The following FAM47B variants were observed in gnomAD, a reference collection of about 807,000 sequenced individuals.
The protein encoded by FAM47B is family with sequence similarity 47 member B, also known as protein FAM47B.
For synonymous variants in FAM47B, 247 were observed against 215.8 expected, an observed-to-expected ratio of 1.14 and a Z score of -1.27; for missense variants, 581 against 550.1, an observed-to-expected ratio of 1.06 and a Z score of -0.56.
Position 34,944,217 on chromosome X carries a change from A to T in FAM47B, c.1386A>T (p.Lys462Asn). ...DSLQRRHTSR[K>N]LRDFKWAGDL... The stretch of plus-strand genomic sequence containing the variant: ...TTCAACGTAGACACACATCGAGAAA[A>T]CTCCGTGACTTCAAGTGGGCTGGAG... Residue 462 changes from lysine (K) to asparagine (N), a missense_variant, in exon 1 of 1, where the codon AAA becomes AAT. Transcript: ENST00000329357. 3 of 1,211,354 alleles carry T rather than the reference A, an allele frequency of 2.5e-6. No homozygotes were observed. The highest frequency in any genetic ancestry group is 3.4e-6 in the Non-Finnish European group (3 of 895,472).
At position 34,943,586 on chromosome X, in the gene FAM47B, C is replaced by T. The variant is rs1470532802; in HGVS notation, c.755C>T (p.Pro252Leu). The stretch of plus-strand genomic sequence containing the variant: ...GCATCTCATCTCCGCGTGGATCCTC[C>T]CGAGACTGGAGTGTCCCATCTCTGC... ...TRASHLRVDPPETGVSHLCPE... is the reference protein window; with the variant it reads ...TRASHLRVDPLETGVSHLCPE... The change falls in exon 1 of 1, where the codon CCC becomes CTC. Residue 252 changes from proline to leucine, a missense_variant. Physicochemically the swap from Pro to Leu is moderately conservative, Grantham distance 98 (BLOSUM62 -3). Coordinates refer to ENST00000329357, the MANE Select transcript of FAM47B (RefSeq NM_152631.3). 1 of 1,210,664 alleles carries T rather than the reference C, an allele frequency of 8.3e-7. No homozygotes were observed. Among genetic ancestry groups the T allele is most frequent in the Non-Finnish European group, 1.1e-6 (1 of 895,202 alleles).
In FAM47B at chrX:34,944,161, C is replaced by A; in HGVS notation, c.1330C>A (p.Pro444Thr). 1.7e-6 allele frequency: 2 copies of A among 1,211,616 alleles called. No individual in the cohort carries two copies. Among genetic ancestry groups the A allele is most frequent in the East Asian group, 3.0e-5 (1 of 33,821 alleles). The change falls in exon 1 of 1, where the codon CCA becomes ACA. Residue 444 changes from proline to threonine, a missense_variant. Coordinates refer to ENST00000329357, the MANE Select transcript of FAM47B (RefSeq NM_152631.3). ...HLKELFQEDT[P>T]STMECVSDSL... is the part of the protein sequence containing the mutation. Reference sequence around the variant, plus strand: ...AAAAGAACTGTTTCAGGAAGATACACCAAGCACAATGGAGTGTGTTTCTGA... The same window carrying A: ...AAAAGAACTGTTTCAGGAAGATACAACAAGCACAATGGAGTGTGTTTCTGA...
In FAM47B at chrX:34,944,139, A is replaced by T; in HGVS notation, c.1308A>T (p.Lys436Asn). 2 of 1,211,658 alleles carry T rather than the reference A, an allele frequency of 1.7e-6. No homozygotes were observed. The highest frequency in any genetic ancestry group is 2.2e-6 in the Non-Finnish European group (2 of 895,560). Residue 436 changes from lysine to asparagine, a missense_variant, in exon 1 of 1, where the codon AAA becomes AAT. Physicochemically the swap from Lys to Asn is moderately conservative, Grantham distance 94. Coordinates refer to ENST00000329357, the MANE Select transcript of FAM47B (RefSeq NM_152631.3). ...EPTKTGASHL[K>N]ELFQEDTPST... is the part of the protein sequence containing the mutation. ...CCAAGACCGGAGCGTCCCATCTAAAAGAACTGTTTCAGGAAGATACACCAA... is the reference window on the plus strand; with the variant it reads ...CCAAGACCGGAGCGTCCCATCTAAATGAACTGTTTCAGGAAGATACACCAA...
Position 34,944,528 on chromosome X carries a change from C to A in FAM47B, c.1697C>A (p.Pro566His). 1 of 1,211,444 alleles carries A rather than the reference C, an allele frequency of 8.3e-7. No homozygotes were observed. The highest frequency in any genetic ancestry group is 1.8e-5 in the South Asian group (1 of 56,943). The change falls in exon 1 of 1, where the codon CCT becomes CAT. Residue 566 changes from proline to histidine, a missense_variant. Transcript: ENST00000329357. The stretch of plus-strand genomic sequence containing the variant: ...GGGAAAAAGCTAAGAAGTGATGAAC[C>A]TTTGATTGACCCCAAGCCCGTACTT... Reference protein sequence around the residue: ...KLGKKLRSDEPLIDPKPVLEK... With the variant: ...KLGKKLRSDEHLIDPKPVLEK...
At position 34,944,572 on chromosome X, in the gene FAM47B, G is replaced by A; in HGVS notation, c.1741G>A (p.Asp581Asn). 1 of 1,208,832 alleles carries A rather than the reference G, an allele frequency of 8.3e-7. No individual in the cohort carries two copies. Among genetic ancestry groups the A allele is most frequent in the Middle Eastern group, 2.3e-4 (1 of 4,333 alleles). Residue 581 changes from aspartate to asparagine, a missense_variant, in exon 1 of 1, where the codon GAC (aspartate) becomes AAC (asparagine). Coordinates refer to ENST00000329357, the MANE Select transcript of FAM47B (RefSeq NM_152631.3). ...KPVLEKPDEP[D>N]ILDGLYGPIA... is the part of the protein sequence containing the mutation. ...CGTACTTGAAAAGCCTGATGAACCC[G>A]ACATTCTTGACGGTCTTTATGGACC...
Position 34,944,415 on chromosome X carries a change from G to A in FAM47B, c.1584G>A (p.Trp528Ter), listed in dbSNP as rs765337699. 4.1e-6 allele frequency: 5 copies of A among 1,211,762 alleles called. No individual in the cohort carries two copies. In the Middle Eastern group the frequency reaches 9.2e-4, roughly 223 times the overall value. Residue 528 changes from tryptophan to a stop codon, truncating the protein, a stop_gained, in exon 1 of 1, where the codon TGG (tryptophan) becomes TGA (stop). Coordinates refer to ENST00000329357, the MANE Select transcript of FAM47B (RefSeq NM_152631.3). LOFTEE classifies it low-confidence loss of function (END_TRUNC). ...TCGAATTCTTACGGATAAAATACTG[G>A]GACAGGAGACGCCGGGCGGCACCGC... Reference protein sequence around the residue: ...DEVEFLRIKYWDRRRRAAPHS... With the variant: ...DEVEFLRIKY
At position 34,943,514 on chromosome X, in the gene FAM47B, C is replaced by T; in HGVS notation, c.683C>T (p.Pro228Leu). The T allele has an allele frequency of 8.3e-7, 1 of 1,210,984 alleles. No homozygotes were observed. The highest frequency in any genetic ancestry group is 3.0e-5 in the East Asian group (1 of 33,736). ...GTGTCCAGTCTCCGCCCAGAGCCTC[C>T]CAAGACTCGGGTGTCCAGTCTCCAC... ...TRVSSLRPEP[P>L]KTRVSSLHPE... Residue 228 changes from proline (P) to leucine (L), a missense_variant, in exon 1 of 1, where the codon CCC (proline) becomes CTC (leucine). Pro to Leu is a moderately conservative substitution (Grantham distance 98, BLOSUM62 -3). Coordinates refer to ENST00000329357, the MANE Select transcript of FAM47B (RefSeq NM_152631.3).
At position 34,943,724 on chromosome X, in the gene FAM47B, A is replaced by G; in HGVS notation, c.893A>G (p.Glu298Gly). ...ACTCGCGTATCTCATCTCCACCCGGAGCCTCCTGAGACTGGAGTGTCCCAT... is the reference window on the plus strand; with the variant it reads ...ACTCGCGTATCTCATCTCCACCCGGGGCCTCCTGAGACTGGAGTGTCCCAT... ...PETRVSHLHP[E>G]PPETGVSHLR... The change falls in exon 1 of 1, where the codon GAG (glutamate) becomes GGG (glycine). Residue 298 changes from glutamate (E) to glycine (G), a missense_variant. Coordinates refer to ENST00000329357, the MANE Select transcript of FAM47B (RefSeq NM_152631.3). The G allele has an allele frequency of 1.7e-6, 2 of 1,206,018 alleles. No homozygotes were observed. Among genetic ancestry groups the G allele is most frequent in the Non-Finnish European group, 2.2e-6 (2 of 893,998 alleles).
Position 34,944,822 on chromosome X carries a change from T to G in FAM47B, c.*53T>G. The G allele has an allele frequency of 9.0e-7, 1 of 1,107,772 alleles. No homozygotes were observed. The highest frequency in any genetic ancestry group is 1.2e-6 in the Non-Finnish European group (1 of 839,001). 91.3% of individuals were successfully genotyped at this position (1,107,772 alleles called of 1,213,427 possible). ...GTATTTCTTGCTCTCATTCTAAACATCAATCAGAATTTATGATGACTGGCC... is the reference window on the plus strand; with the variant it reads ...GTATTTCTTGCTCTCATTCTAAACAGCAATCAGAATTTATGATGACTGGCC... On this transcript the variant is annotated 3_prime_UTR_variant, in exon 1 of 1. Coordinates refer to ENST00000329357, the MANE Select transcript of FAM47B (RefSeq NM_152631.3).
At position 34,944,398 on chromosome X, in the gene FAM47B, T is replaced by C. The variant is rs1892668122; in HGVS notation, c.1567T>C (p.Leu523=). 1.7e-6 allele frequency: 2 copies of C among 1,210,052 alleles called. No homozygotes were observed. Among genetic ancestry groups the C allele is most frequent in the Non-Finnish European group, 2.2e-6 (2 of 895,318 alleles). ...AGACGACATGGATGAGGTCGAATTC[T>C]TACGGATAAAATACTGGGACAGGAG... The part of the protein sequence containing the change: ...ELDDMDEVEF[L]RIKYWDRRRR... The change falls in exon 1 of 1, where the codon TTA becomes CTA. Residue 523 remains leucine (L), a synonymous_variant. Transcript: ENST00000329357.
chrX:34,944,472 G>T lies in FAM47B; in HGVS notation c.1641G>T (p.Arg547Ser), dbSNP rs1926849486. Residue 547 changes from arginine (R) to serine (S), a missense_variant, in exon 1 of 1, where the codon AGG becomes AGT. Coordinates refer to ENST00000329357, the MANE Select transcript of FAM47B (RefSeq NM_152631.3). ...ATAGTGCACAGCGTGGGAGGATAAG[G>T]TATGGACCATGGTACTTCGAGCCTA... ...HSYSAQRGRI[R>S]YGPWYFEPKL... The T allele has an allele frequency of 1.7e-6, 2 of 1,210,148 alleles. No homozygotes were observed. The highest frequency in any genetic ancestry group is 1.8e-5 in the African/African-American group (1 of 57,135).
rs200255995 is a variant in FAM47B, at chrX:34,943,222, T to C, written c.391T>C (p.Leu131=). The change falls in exon 1 of 1, where the codon TTG becomes CTG. Residue 131 remains leucine, a synonymous_variant. Transcript: ENST00000329357. Reference sequence around the variant, plus strand: ...AGCCCAGCTGATGACCAAGCATCCCTTGGCCATGTACCCCAATCTGGGAAA... The same window carrying C: ...AGCCCAGCTGATGACCAAGCATCCCCTGGCCATGTACCCCAATCTGGGAAA... The part of the protein sequence containing the change: ...VEAQLMTKHP[L]AMYPNLGKDM... 908 of 1,209,162 alleles carry C rather than the reference T, an allele frequency of 7.5e-4. 4 individuals are homozygous for C. The East Asian group carries it at 0.026, about 34-fold the overall frequency.
chrX:34,944,742 C>G lies in FAM47B; in HGVS notation c.1911C>G (p.Asp637Glu), dbSNP rs1449304540. The G allele has an allele frequency of 1.5e-5, 18 of 1,164,112 alleles. No homozygotes were observed. Among genetic ancestry groups the G allele is most frequent in the Middle Eastern group, 4.8e-4 (2 of 4,167 alleles). Residue 637 changes from aspartate (D) to glutamate (E), a missense_variant, in exon 1 of 1, where the codon GAC becomes GAG. By Grantham distance (45) the Asp-to-Glu change is conservative. Transcript: ENST00000329357. ...TGCAAGTTTACAAGTACAAAGAAGA[C>G]GTCACAGATGCATCAAAAGAAGATT... ...RAVQVYKYKEDVTDASKED is the reference protein window; with the variant it reads ...RAVQVYKYKEEVTDASKED
Position 34,943,193 on chromosome X carries a change from T to G in FAM47B, c.362T>G (p.Val121Gly). 1 of 1,210,890 alleles carries G rather than the reference T, an allele frequency of 8.3e-7. No individual in the cohort carries two copies. The highest frequency in any genetic ancestry group is 1.1e-6 in the Non-Finnish European group (1 of 895,149). ...GCACGGAAGGCGTTCGTAGAGGAAG[T>G]GGAAGCCCAGCTGATGACCAAGCAT... Reference protein sequence around the residue: ...QPARKAFVEEVEAQLMTKHPL... With the variant: ...QPARKAFVEEGEAQLMTKHPL... Residue 121 changes from valine (V) to glycine (G), a missense_variant, in exon 1 of 1, where the codon GTG becomes GGG. Physicochemically the swap from Val to Gly is moderately radical, Grantham distance 109 (BLOSUM62 -3). Transcript: ENST00000329357.
In FAM47B at chrX:34,943,745, C is replaced by T. The variant is rs1163368044; in HGVS notation, c.914C>T (p.Ser305Phe). 3.3e-6 allele frequency: 4 copies of T among 1,209,283 alleles called. No individual in the cohort carries two copies. The highest frequency in any genetic ancestry group is 1.1e-6 in the Non-Finnish European group (1 of 894,831). Residue 305 changes from serine to phenylalanine, a missense_variant, in exon 1 of 1, where the codon TCC becomes TTC. Ser to Phe is a radical substitution (Grantham distance 155). Transcript: ENST00000329357. ...LHPEPPETGV[S>F]HLRPEPSKTQ... ...CCGGAGCCTCCTGAGACTGGAGTGT[C>T]CCATCTCCGCCCAGAGCCTTCCAAG...
In FAM47B at chrX:34,944,188, T is replaced by C. The variant is rs1926840271; in HGVS notation, c.1357T>C (p.Ser453Pro). 2 of 1,211,644 alleles carry C rather than the reference T, an allele frequency of 1.7e-6. No individual in the cohort carries two copies. The highest frequency in any genetic ancestry group is 3.5e-5 in the African/African-American group (2 of 57,706). ...TPSTMECVSD[S>P]LQRRHTSRKL... ...AAGCACAATGGAGTGTGTTTCTGAC[T>C]CTCTTCAACGTAGACACACATCGAG... The change falls in exon 1 of 1, where the codon TCT becomes CCT. Residue 453 changes from serine to proline, a missense_variant. Coordinates refer to ENST00000329357, the MANE Select transcript of FAM47B (RefSeq NM_152631.3).
chrX:34,942,929 G>T lies in FAM47B; in HGVS notation c.98G>T (p.Arg33Leu), dbSNP rs751913424. ...DKPPSKYFAK[R>L]KHRRLRFPPV... is the part of the protein sequence containing the mutation. ...CCGCCTTCCAAGTACTTCGCGAAGC[G>T]CAAGCACAGGCGCCTGAGGTTCCCG... The change falls in exon 1 of 1, where the codon CGC (arginine) becomes CTC (leucine). Residue 33 changes from arginine to leucine, a missense_variant. Physicochemically the swap from Arg to Leu is moderately radical, Grantham distance 102. Coordinates refer to ENST00000329357, the MANE Select transcript of FAM47B (RefSeq NM_152631.3). 1.7e-6 allele frequency: 2 copies of T among 1,212,064 alleles called. No homozygotes were observed. Among genetic ancestry groups the T allele is most frequent in the Admixed American group, 2.2e-5 (1 of 46,115 alleles).
At position 34,943,640 on chromosome X, in the gene FAM47B, G is replaced by A; in HGVS notation, c.809G>A (p.Ser270Asn). The A allele has an allele frequency of 8.3e-7, 1 of 1,207,737 alleles. No homozygotes were observed. The highest frequency in any genetic ancestry group is 1.1e-6 in the Non-Finnish European group (1 of 894,240). Residue 270 changes from serine (S) to asparagine (N), a missense_variant, in exon 1 of 1, where the codon AGT becomes AAT. Coordinates refer to ENST00000329357, the MANE Select transcript of FAM47B (RefSeq NM_152631.3). ...CPEPPKTLVS[S>N]VHPEPPDTGA... ...GAGCCTCCCAAGACTCTGGTGTCCAGTGTCCACCCAGAGCCTCCTGATACT... is the reference window on the plus strand; with the variant it reads ...GAGCCTCCCAAGACTCTGGTGTCCAATGTCCACCCAGAGCCTCCTGATACT...
chrX:34,942,940 C>T lies in FAM47B; in HGVS notation c.109C>T (p.Arg37Cys), dbSNP rs1206961838. 2.5e-6 allele frequency: 3 copies of T among 1,212,107 alleles called. No homozygotes were observed. The highest frequency in any genetic ancestry group is 3.0e-5 in the East Asian group (1 of 33,831). ...GTACTTCGCGAAGCGCAAGCACAGG[C>T]GCCTGAGGTTCCCGCCTGTGGACAC... ...SKYFAKRKHR[R>C]LRFPPVDTQN... Residue 37 changes from arginine (R) to cysteine (C), a missense_variant, in exon 1 of 1, where the codon CGC becomes TGC. Coordinates refer to ENST00000329357, the MANE Select transcript of FAM47B (RefSeq NM_152631.3).
Sources: gnomAD v4.1 joint callset for allele counts on GRCh38, gnomAD v4.1.1 for gene constraint, MANE v1.5 for transcripts, NCBI Gene and HGNC (gene_info 2026-07-23, HGNC 2026-07-21) for gene names.